PIWIL4: variants seen among roughly 807,000 people sequenced by gnomAD.
PIWIL4 encodes piwi-like protein 4.
Under a neutral mutation model 100.9 loss-of-function variants are expected in PIWIL4, and 50 were observed. The observed-to-expected ratio is 0.50, with a 90% CI of 0.39 to 0.63. The LOEUF is 0.63. Among genes scored for constraint, PIWIL4 ranks in the 20% least tolerant of loss-of-function variants. PIWIL4 has a pLI of 0.00. For missense variants in PIWIL4, 887 were observed against 1,043.3 expected (o/e 0.85, Z 2.06); for synonymous variants, 342 against 367.5 (o/e 0.93, Z 0.79).
At chr11:94,590,361 C>T (rs1948467320) in intron 8 of PIWIL4, among the ~76,000 whole-genome samples, 1 of 152,150 alleles carries the variant, frequency 6.6e-6, no homozygotes, top group Non-Finnish European at 1.5e-5. Flanking sequence ...GGGACACATC[C>T]CTGCGGTTCT....
intron 3 of PIWIL4, among the ~76,000 whole-genome samples, chr11:94,575,468 T>C (rs185442406): frequency 8.3e-4 from 126 of 152,266 alleles, no homozygotes; most frequent in African/African-American, 3.0e-3. Context: ...CATAACCTAT[T>C]TGGGGGATTC....
Position 94,577,326 on chromosome 11 carries a change from A to G in PIWIL4, c.347A>G (p.Asp116Gly). The change falls in exon 4 of 20, where the codon GAT (aspartate) becomes GGT (glycine). Residue 116 changes from aspartate (D) to glycine (G), a missense_variant. This residue lies in a region of PIWIL4 where 741 missense variants were observed against 930.0 expected (regional missense o/e 0.80). Transcript: ENST00000299001. Reference sequence around the variant, plus strand: ...CTGGTTACAAACCTCTTTAACTTAGATTTTCCCCAAGACTGGCAGCTATAC... The same window carrying G: ...CTGGTTACAAACCTCTTTAACTTAGGTTTTCCCCAAGACTGGCAGCTATAC... ...VKLVTNLFNL[D>G]FPQDWQLYQY... 2 of 1,614,024 alleles carry G rather than the reference A, an allele frequency of 1.2e-6. No individual in the cohort carries two copies. Among genetic ancestry groups the G allele is most frequent in the Non-Finnish European group, 1.7e-6 (2 of 1,179,994 alleles).
In PIWIL4 at chr11:94,577,305, T is replaced by A. The variant is rs764526328; in HGVS notation, c.326T>A (p.Val109Asp). 5.0e-6 allele frequency: 8 copies of A among 1,614,014 alleles called. No individual in the cohort carries two copies. Among genetic ancestry groups the A allele is most frequent in the Non-Finnish European group, 6.8e-6 (8 of 1,179,928 alleles). ...TCCAGTGGAATACCTGTGAAACTGG[T>A]TACAAACCTCTTTAACTTAGATTTT... is the stretch of plus-strand genomic sequence containing the variant. Reference protein sequence around the residue: ...TGSSGIPVKLVTNLFNLDFPQ... With the variant: ...TGSSGIPVKLDTNLFNLDFPQ... Residue 109 changes from valine to aspartate, a missense_variant, in exon 4 of 20, where the codon GTT becomes GAT. This residue lies in a region of PIWIL4 where 741 missense variants were observed against 930.0 expected (regional missense o/e 0.80). Transcript: ENST00000299001.
chr11:94,568,760 G>A lies in PIWIL4; in HGVS notation c.118G>A (p.Ala40Thr). 1.2e-6 allele frequency: 2 copies of A among 1,609,768 alleles called. No individual in the cohort carries two copies. Among genetic ancestry groups the A allele is most frequent in the Non-Finnish European group, 1.7e-6 (2 of 1,176,102 alleles). The part of the protein sequence containing the change: ...PRSVDLSNNE[A>T]SSSNGFLGTS... Reference sequence around the variant, plus strand: ...ATCTGTTGATCTTAGTAACAATGAAGCATCCTCTAGCAATGGCTTCTTGGG... The same window carrying A: ...ATCTGTTGATCTTAGTAACAATGAAACATCCTCTAGCAATGGCTTCTTGGG... The change falls in exon 2 of 20, where the codon GCA becomes ACA. Residue 40 changes from alanine to threonine, a missense_variant. Ala to Thr is a moderately conservative substitution (Grantham distance 58). Transcript: ENST00000299001.
Position 94,620,111 on chromosome 11 carries a change from A to T in PIWIL4, c.2409A>T (p.Thr803=), listed in dbSNP as rs767377920. The change falls in exon 19 of 20, where the codon ACA becomes ACT. Residue 803 remains threonine, a synonymous_variant. Transcript: ENST00000299001. ...AGCCCGACCATATGCAGAGACTTAC[A>T]TTCAAATTGTGCCACCTGTACTACA... The part of the protein sequence containing the change: ...GLKPDHMQRL[T]FKLCHLYYNW... The T allele has an allele frequency of 1.2e-6, 2 of 1,610,080 alleles. No individual in the cohort carries two copies. The highest frequency in any genetic ancestry group is 3.4e-5 in the Admixed American group (2 of 59,500).
rs1032404285 is a variant in PIWIL4 at position 94,614,303 on chromosome 11, T to TTC, written c.1944-2189_1944-2188insCT. On this transcript the variant is annotated intron_variant, in intron 15 of 19. Coordinates refer to ENST00000299001, the MANE Select transcript of PIWIL4 (RefSeq NM_152431.3). ...CATAGTTCCTGATTTTTCTTTTCTT[T>TTC]TTTTTTTTTTTTTTCCTTTTTGAGA... is the stretch of plus-strand genomic sequence containing the variant. Among the ~76,000 whole-genome samples the TTC allele has an allele frequency of 1.8e-4, 27 of 149,336 alleles. 1 individual carries two copies. The South Asian group carries it at 4.6e-3, about 26-fold the overall frequency.
chr11:94,612,605 T>G (rs1948799590), intron 15 of PIWIL4, among the ~76,000 whole-genome samples: 1 of 152,190 alleles, frequency 6.6e-6, no homozygotes, highest in Non-Finnish European at 1.5e-5. Context: ...GGCTTTTTTG[T>G]AGATTGTTTC....
At chr11:94,583,410 A>T in intron 4 of PIWIL4, 38 bp from the exon 5 acceptor site, 1 of 1,603,724 alleles carries the variant, frequency 6.2e-7, no homozygotes, top group Non-Finnish European at 8.5e-7. Flanking sequence ...ACTTGGGGAT[A>T]ATTTGTAGGG....
chr11:94,589,700 C>A (rs947683939), intron 8 of PIWIL4, among the ~76,000 whole-genome samples: 1 of 152,070 alleles, frequency 6.6e-6, no homozygotes, highest in African/African-American at 2.4e-5. Context: ...TTCCTGGATA[C>A]CCCTTCACAG....
intron 15 of PIWIL4, among the ~76,000 whole-genome samples, chr11:94,610,305 T>A (rs1189758500): frequency 6.6e-6 from 1 of 152,150 alleles, no homozygotes; most frequent in Admixed American, 6.5e-5. Flanking sequence ...ATCTTGGCTA[T>A]TGAACATGGG....
chr11:94,580,938 G>T (rs11824838), intron 4 of PIWIL4, among the ~76,000 whole-genome samples: 33,358 of 134,410 alleles, frequency 0.25, 4,155 homozygotes, highest in East Asian at 0.3. Flanking sequence ...TGCTCTTGTC[G>T]CCCAGGCTGG....
At chr11:94,607,783 C>A in intron 14 of PIWIL4, 144 bp downstream of exon 14, 1 of 848,868 alleles carries the variant, frequency 1.2e-6, no homozygotes, top group Non-Finnish European at 1.8e-6. Flanking sequence ...ATTCCATAAG[C>A]CATTGTGAAT....
chr11:94,589,840 C>G (rs1006940080), intron 8 of PIWIL4, among the ~76,000 whole-genome samples: 4 of 152,138 alleles, frequency 2.6e-5, no homozygotes, highest in Admixed American at 6.5e-5. Flanking sequence ...GGTCTGAGCC[C>G]CATCCTAGAC....
Position 94,578,253 on chromosome 11 carries a change from A to C in PIWIL4, c.513+761A>C, listed in dbSNP as rs111762653. On this transcript the variant is annotated intron_variant, in intron 4 of 19. Transcript: ENST00000299001. The stretch of plus-strand genomic sequence containing the variant: ...TTTGAAGAAATGCTTCAGGATCTTA[A>C]TACCATTTATTTAAAATTTTTATTG... Among the ~76,000 whole-genome samples, 204 of 152,254 alleles carry C rather than the reference A, an allele frequency of 1.3e-3. 2 individuals are homozygous for C. The highest frequency in any genetic ancestry group is 4.7e-3 in the African/African-American group (194 of 41,542).
Position 94,616,503 on chromosome 11 carries a change from C to T in PIWIL4, c.1954C>T (p.Arg652Cys), listed in dbSNP as rs1000370487. The change falls in exon 16 of 20, where the codon CGC becomes TGC. Residue 652 changes from arginine to cysteine, a missense_variant. Around this residue, in one of 2 missense-constraint regions of PIWIL4, gnomAD observed 741 missense variants for 930.0 expected, o/e 0.80. Transcript: ENST00000299001. ...VNPRITRWFS[R>C]CILQRTMTDV... ...TTTTTTTAACTTTAGGTGGTTTTCC[C>T]GCTGTATCCTTCAGAGAACAATGAC... 15 of 1,596,730 alleles carry T rather than the reference C, an allele frequency of 9.4e-6. No individual in the cohort carries two copies. The highest frequency in any genetic ancestry group is 2.2e-5 in the East Asian group (1 of 44,548).
chr11:94,567,419 G>C lies in PIWIL4; in HGVS notation c.-100G>C. 1 of 1,098,030 alleles carries C rather than the reference G, an allele frequency of 9.1e-7. No individual in the cohort carries two copies. Among genetic ancestry groups the C allele is most frequent in the Non-Finnish European group, 1.2e-6 (1 of 800,728 alleles). 68.0% of individuals were successfully genotyped at this position (1,098,030 alleles called of 1,614,324 possible). ...GGATGCTGGACATCCACCGCCTCCA[G>C]GCAGTTTCGCCGTCACACCGTCGCC... On this transcript the variant is annotated 5_prime_UTR_variant, in exon 1 of 20. Coordinates refer to ENST00000299001, the MANE Select transcript of PIWIL4 (RefSeq NM_152431.3).
chr11:94,596,524 T>G (rs1948561246), intron 10 of PIWIL4, among the ~76,000 whole-genome samples: 1 of 152,232 alleles, frequency 6.6e-6, no homozygotes, highest in South Asian at 2.1e-4. Context: ...TCTTTTCACT[T>G]CAGGGTTTTT....
intron 15 of PIWIL4, among the ~76,000 whole-genome samples, chr11:94,615,212 T>G (rs1393263811): frequency 6.6e-6 from 1 of 152,126 alleles, no homozygotes; most frequent in African/African-American, 2.4e-5. Context: ...TTGTTCTGGT[T>G]GAGGCAAGAA....
Position 94,616,546 on chromosome 11 carries a change from T to G in PIWIL4, c.1997T>G (p.Leu666Trp). Residue 666 changes from leucine to tryptophan, a missense_variant, in exon 16 of 20, where the codon TTG (leucine) becomes TGG (tryptophan). By Grantham distance (61) the Leu-to-Trp change is moderately conservative. This residue lies in a region of PIWIL4 where 741 missense variants were observed against 930.0 expected (regional missense o/e 0.80). Coordinates refer to ENST00000299001, the MANE Select transcript of PIWIL4 (RefSeq NM_152431.3). ...ACAATGACTGATGTTGCAGATTGCT[T>G]GAAAGTTTTCATGACTGGTACTAAA... ...QRTMTDVADC[L>W]KVFMTGALNK... 6.2e-7 allele frequency: 1 copy of G among 1,608,580 alleles called. No individual in the cohort carries two copies. Among genetic ancestry groups the G allele is most frequent in the Middle Eastern group, 1.7e-4 (1 of 6,042 alleles).
Sources: allele counts gnomAD v4.1 joint callset (sites outside exome capture counted in the v4.1 genomes callset), GRCh38; gene constraint gnomAD v4.1.1; regional missense constraint gnomAD v4.1.1; transcripts MANE v1.5; gene names NCBI Gene and HGNC (gene_info 2026-07-23, HGNC 2026-07-21).